The following GNAZ variants were observed in gnomAD, a reference collection of about 807,000 sequenced individuals.
GNAZ encodes guanine nucleotide-binding protein G(z) subunit alpha.
Under a neutral mutation model 25.4 loss-of-function variants are expected in GNAZ, and 3 were observed. The ratio of observed to expected loss-of-function variants is 0.12; its 90% CI spans 0.05 to 0.30. The LOEUF (loss-of-function observed/expected upper bound fraction) is 0.30. Among genes scored for constraint, GNAZ ranks in the 10% least tolerant of loss-of-function variants. The probability of loss-of-function intolerance (pLI) is 1.00; values close to 1 mark genes in which losing one functional copy is unlikely to be tolerated. For missense variants in GNAZ, 241 were observed against 501.8 expected (o/e 0.48, Z 4.97); for synonymous variants, 211 against 205.7 (o/e 1.03, Z -0.22).
intron 2 of GNAZ, among the ~76,000 whole-genome samples, chr22:23,116,510 C>T (rs886139702): frequency 6.6e-6 from 1 of 152,228 alleles, no homozygotes; most frequent in Non-Finnish European, 1.5e-5. Flanking sequence ...TCATGCAGGA[C>T]CATGGTCTTA....
rs183710692 is a variant in GNAZ at position 23,087,662 on chromosome 22, G to C, written c.-449-7585G>C. Among the ~76,000 whole-genome samples the C allele has an allele frequency of 1.6e-4, 25 of 152,316 alleles. No homozygotes were observed. The East Asian group carries it at 4.4e-3, about 27-fold the overall frequency. ...TTTTTAAGGATAACTTGGTGGATGG[G>C]GGGTAGCCAGTGAGCCAGGAGTGCT... On this transcript the variant is annotated intron_variant, in intron 1 of 2. Transcript: ENST00000615612.
intron 1 of GNAZ, among the ~76,000 whole-genome samples, chr22:23,091,508 A>T (rs2068975294): frequency 6.6e-6 from 1 of 150,862 alleles, no homozygotes; most frequent in African/African-American, 2.4e-5. Context: ...ACCTATGCAT[A>T]CATGCACACA....
Position 23,096,211 on chromosome 22 carries a change from C to T in GNAZ, c.516C>T (p.Val172=), listed in dbSNP as rs758843916. 27 of 1,613,672 alleles carry T rather than the reference C, an allele frequency of 1.7e-5. No homozygotes were observed. The highest frequency in any genetic ancestry group is 1.6e-4 in the Middle Eastern group (1 of 6,084). ...CCGCAGCTGACTATATCCCCACTGT[C>T]GAGGACATCCTGCGCTCCCGGGACA... ...RIAAADYIPT[V]EDILRSRDMT... Residue 172 remains valine, a synonymous_variant, in exon 2 of 3, where the codon GTC becomes GTT. Coordinates refer to ENST00000615612, the MANE Select transcript of GNAZ (RefSeq NM_002073.4).
intron 2 of GNAZ, among the ~76,000 whole-genome samples, chr22:23,112,909 A>G (rs1469363818): frequency 1.3e-5 from 2 of 152,156 alleles, no homozygotes; most frequent in Non-Finnish European, 2.9e-5. Context: ...GAGCTACCCC[A>G]TGCTGTGCTG....
intron 1 of GNAZ, among the ~76,000 whole-genome samples, chr22:23,079,459 G>A (rs1001909858): frequency 6.6e-6 from 1 of 152,192 alleles, no homozygotes; most frequent in South Asian, 2.1e-4. Context: ...TGGCAGGAGT[G>A]GGGGAGGGGG....
intron 2 of GNAZ, among the ~76,000 whole-genome samples, chr22:23,104,974 G>A (rs564633012): frequency 6.6e-6 from 1 of 152,362 alleles, no homozygotes; most frequent in East Asian, 1.9e-4. Context: ...GCTCCCGTCT[G>A]GATAGTGGAC....
chr22:23,075,819 G>A (rs944663578), intron 1 of GNAZ, among the ~76,000 whole-genome samples: 2 of 152,226 alleles, frequency 1.3e-5, no homozygotes, highest in Non-Finnish European at 2.9e-5. Context: ...GGGATGGAGA[G>A]CTGCCAGGAC....
intron 2 of GNAZ, among the ~76,000 whole-genome samples, chr22:23,116,703 C>T (rs1410443032): frequency 6.6e-6 from 1 of 152,168 alleles, no homozygotes; most frequent in Non-Finnish European, 1.5e-5. Context: ...CCTCTCACCT[C>T]CCCACCCCCA....
At chr22:23,110,728 A>G (rs2069620877) in intron 2 of GNAZ, among the ~76,000 whole-genome samples, 1 of 152,208 alleles carries the variant, frequency 6.6e-6, no homozygotes, top group Non-Finnish European at 1.5e-5. Flanking sequence ...TTGTCATAGA[A>G]ACAGCAGTGC....
intron 2 of GNAZ, among the ~76,000 whole-genome samples, chr22:23,118,666 T>G (rs1445581623): frequency 6.6e-6 from 1 of 152,220 alleles, no homozygotes; most frequent in Non-Finnish European, 1.5e-5. Context: ...GGGTCATGGT[T>G]GGCAGAGGCA....
intron 1 of GNAZ, among the ~76,000 whole-genome samples, chr22:23,080,607 G>C (rs2068649676): frequency 6.6e-6 from 1 of 152,258 alleles, no homozygotes; most frequent in Admixed American, 6.5e-5. Context: ...CCATCAGGCA[G>C]GTTGTGGGGA....
At position 23,124,035 on chromosome 22, in the gene GNAZ, A is replaced by G. The variant is rs2070105672; in HGVS notation, c.*604A>G. 8.5e-6 allele frequency: 2 copies of G among 234,368 alleles called. No homozygotes were observed. The highest frequency in any genetic ancestry group is 9.2e-5 in the South Asian group (2 of 21,702). 14.5% of individuals were successfully genotyped at this position (234,368 alleles called of 1,614,324 possible). A position where few individuals can be genotyped will look rare whatever the true frequency, so the allele number is the denominator to read the frequency against. On this transcript the variant is annotated 3_prime_UTR_variant, in exon 3 of 3. Coordinates refer to ENST00000615612, the MANE Select transcript of GNAZ (RefSeq NM_002073.4). Reference sequence around the variant, plus strand: ...ACTAACCAGACCTCCAGCCACTCACAGCTCTTTTTAAAAAACAGCTTCAAA... The same window carrying G: ...ACTAACCAGACCTCCAGCCACTCACGGCTCTTTTTAAAAAACAGCTTCAAA...
intron 1 of GNAZ, among the ~76,000 whole-genome samples, chr22:23,091,622 C>T (rs1422777621): frequency 2.0e-5 from 3 of 151,802 alleles, no homozygotes; most frequent in South Asian, 2.1e-4. Flanking sequence ...GCATATGCAC[C>T]GCAATGGACC....
intron 2 of GNAZ, among the ~76,000 whole-genome samples, chr22:23,096,845 C>T (rs921367219): frequency 8.5e-5 from 13 of 152,236 alleles, no homozygotes; most frequent in Non-Finnish European, 1.6e-4. Flanking sequence ...GGGATAATCC[C>T]AGGTCCTGGT....
Position 23,124,216 on chromosome 22 carries a change from T to G in GNAZ, c.*785T>G, listed in dbSNP as rs1420038253. 6 of 152,050 alleles carry G rather than the reference T, an allele frequency of 3.9e-5. No individual in the cohort carries two copies. The East Asian group carries it at 6.0e-4, about 15-fold the overall frequency. The allele number at this position is 152,050 out of a possible 1,614,324, so 9.4% of individuals were successfully genotyped here. A position where few individuals can be genotyped will look rare whatever the true frequency, so the allele number is the denominator to read the frequency against. ...TTTTTTTTTTGTTTTGTTTTTTGGT[T>G]TTTTTTTTTTTTTGGCCAAATCTCG... is the stretch of plus-strand genomic sequence containing the variant. On this transcript the variant is annotated 3_prime_UTR_variant, in exon 3 of 3. Coordinates refer to ENST00000615612, the MANE Select transcript of GNAZ (RefSeq NM_002073.4).
chr22:23,076,396 C>T (rs1396842696), intron 1 of GNAZ, among the ~76,000 whole-genome samples: 1 of 152,180 alleles, frequency 6.6e-6, no homozygotes, highest in Admixed American at 6.5e-5. Flanking sequence ...CCTGTCCAGC[C>T]CCTTTTGCCC....
Position 23,095,624 on chromosome 22 carries a change from C to G in GNAZ, c.-72C>G. On this transcript the variant is annotated 5_prime_UTR_variant, in exon 2 of 3. Transcript: ENST00000615612. ...AGCTGGGCTCTTGTCTGCCTGGTCTCAGTGTCCCCTGTGGCAAGAGGGAGA... is the reference window on the plus strand; with the variant it reads ...AGCTGGGCTCTTGTCTGCCTGGTCTGAGTGTCCCCTGTGGCAAGAGGGAGA... 1 of 1,510,510 alleles carries G rather than the reference C, an allele frequency of 6.6e-7. No individual in the cohort carries two copies. Among genetic ancestry groups the G allele is most frequent in the South Asian group, 1.3e-5 (1 of 74,860 alleles). The allele number at this position is 1,510,510 out of a possible 1,614,324, so 93.6% of individuals were successfully genotyped here. A position where few individuals can be genotyped will look rare whatever the true frequency, so the allele number is the denominator to read the frequency against.
At chr22:23,072,453 A>G (rs1266009456) in intron 1 of GNAZ, among the ~76,000 whole-genome samples, 3 of 152,190 alleles carry the variant, frequency 2.0e-5, no homozygotes, top group Non-Finnish European at 4.4e-5. Context: ...CAGGAGGTGA[A>G]TAAGACATAA....
At chr22:23,105,951 C>T (rs1390451398) in intron 2 of GNAZ, among the ~76,000 whole-genome samples, 1 of 152,104 alleles carries the variant, frequency 6.6e-6, no homozygotes. Context: ...CTGAGGGTGC[C>T]CACGGCCTCC....
Sources: gnomAD v4.1 joint callset for allele counts (sites outside exome capture counted in the v4.1 genomes callset) on GRCh38, gnomAD v4.1.1 for gene constraint, MANE v1.5 for transcripts, NCBI Gene and HGNC (gene_info 2026-07-23, HGNC 2026-07-21) for gene names.